TRAPPC3L: variants seen among roughly 807,000 people sequenced by gnomAD.
TRAPPC3L encodes the protein trafficking protein particle complex subunit 3L, also known as trafficking protein particle complex subunit 3-like protein.
Under a neutral mutation model 23.7 loss-of-function variants are expected in TRAPPC3L, and 23 were observed. The observed-to-expected ratio is 0.97, with a 90% CI of 0.70 to 1.37. The LOEUF (loss-of-function observed/expected upper bound fraction) is 1.37, where lower values mean the gene tolerates loss of function less well. Among genes scored for constraint, TRAPPC3L ranks in the 40% most tolerant of loss-of-function variants. The pLI is 0.00. For missense variants in TRAPPC3L, 212 were observed against 216.8 expected (o/e 0.98, Z 0.14); for synonymous variants, 81 against 77.9 (o/e 1.04, Z -0.21).
chr6:116,534,060 G>A (rs1407739232), intron 3 of TRAPPC3L, among the ~76,000 whole-genome samples: 1 of 151,956 alleles, frequency 6.6e-6, no homozygotes, highest in African/African-American at 2.4e-5. Flanking sequence ...TGTCTAAAAA[G>A]GATTCCTCCT....
At chr6:116,515,570 G>A (rs762059330) in intron 3 of TRAPPC3L, 8 of 1,575,926 alleles carry the variant, frequency 5.1e-6, no homozygotes, top group Middle Eastern at 3.4e-4. Context: ...TTGCTTTCAC[G>A]TGTGTACTCA....
chr6:116,525,478 A>C (rs1478847666), intron 3 of TRAPPC3L, among the ~76,000 whole-genome samples: 1 of 152,222 alleles, frequency 6.6e-6, no homozygotes, highest in Non-Finnish European at 1.5e-5. Context: ...AATTTTTAGC[A>C]GTGGAAAGTT....
intron 4 of TRAPPC3L, 35 bp downstream of exon 4, chr6:116,500,446 G>T (rs1341071973): frequency 6.6e-7 from 1 of 1,511,726 alleles, no homozygotes; most frequent in African/African-American, 1.4e-5. Context: ...AGGACTAAGA[G>T]ATTCTTCATT....
intron 3 of TRAPPC3L, among the ~76,000 whole-genome samples, chr6:116,538,717 G>A (rs1773245427): frequency 6.6e-6 from 1 of 151,078 alleles, no homozygotes; most frequent in African/African-American, 2.4e-5. Flanking sequence ...GCAAGACAAA[G>A]TCTTAAATCT....
At chr6:116,519,595 T>A (rs1772293224) in intron 3 of TRAPPC3L, 1 of 152,232 alleles carries the variant, frequency 6.6e-6, no homozygotes, top group Non-Finnish European at 1.5e-5. Context: ...TATGGAAGGG[T>A]CCTTGGGCTA....
intron 3 of TRAPPC3L, among the ~76,000 whole-genome samples, chr6:116,531,958 A>G (rs1227174598): frequency 6.6e-6 from 1 of 151,818 alleles, no homozygotes; most frequent in Non-Finnish European, 1.5e-5. Context: ...TACCAAGTTG[A>G]GTTCGCTGTC....
chr6:116,500,621 T>C lies in TRAPPC3L; in HGVS notation c.286A>G (p.Asn96Asp). Reference sequence around the variant, plus strand: ...GAAAATTCATTTTTGCTTGAATTGTTACAGGTCACACTTGGTGTAATTCCC... The same window carrying C: ...GAAAATTCATTTTTGCTTGAATTGTCACAGGTCACACTTGGTGTAATTCCC... Reference protein sequence around the residue: ...YLGITPSVTCNNSSKNEFSLI... With the variant: ...YLGITPSVTCDNSSKNEFSLI... The change falls in exon 4 of 5, where the codon AAC becomes GAC. Residue 96 changes from asparagine (N) to aspartate (D), a missense_variant. Physicochemically the swap from Asn to Asp is conservative, Grantham distance 23. Transcript: ENST00000368602. 1 of 1,551,648 alleles carries C rather than the reference T, an allele frequency of 6.4e-7. No individual in the cohort carries two copies. The highest frequency in any genetic ancestry group is 2.4e-5 in the East Asian group (1 of 40,912).
intron 3 of TRAPPC3L, chr6:116,522,159 G>A (rs1376630677): frequency 6.6e-6 from 1 of 152,258 alleles, no homozygotes; most frequent in East Asian, 1.9e-4. Context: ...GAAGAACCAG[G>A]AAGTCCAACC....
chr6:116,506,652 G>T (rs1365645661), intron 3 of TRAPPC3L, among the ~76,000 whole-genome samples: 1 of 152,090 alleles, frequency 6.6e-6, no homozygotes, highest in Non-Finnish European at 1.5e-5. Context: ...AAGAAAATGT[G>T]GCACATATAC....
At chr6:116,501,558 T>C (rs1296555940) in intron 3 of TRAPPC3L, among the ~76,000 whole-genome samples, 4 of 152,200 alleles carry the variant, frequency 2.6e-5, no homozygotes, top group Non-Finnish European at 5.9e-5. Flanking sequence ...GACAGACTGC[T>C]TCCTCAAGTG....
chr6:116,541,850 T>C (rs1562354944), intron 2 of TRAPPC3L, among the ~76,000 whole-genome samples: 1 of 152,208 alleles, frequency 6.6e-6, no homozygotes, highest in South Asian at 2.1e-4. Context: ...TCAAAGGGTA[T>C]GTTTCTGCAA....
chr6:116,529,173 C>A (rs748664351), intron 3 of TRAPPC3L: 6 of 152,178 alleles, frequency 3.9e-5, no homozygotes, highest in Non-Finnish European at 2.9e-5. Flanking sequence ...TTGCTGCAAC[C>A]CTTCAGCTCT....
intron 3 of TRAPPC3L, among the ~76,000 whole-genome samples, chr6:116,526,621 C>G (rs185371534): frequency 8.1e-4 from 123 of 152,198 alleles, no homozygotes; most frequent in Middle Eastern, 3.4e-3. Flanking sequence ...ACTGAGAGGT[C>G]ACGGCAAGTC....
intron 3 of TRAPPC3L, among the ~76,000 whole-genome samples, chr6:116,538,231 G>GA (rs1259829819): frequency 2.6e-5 from 4 of 152,142 alleles, no homozygotes; most frequent in African/African-American, 4.8e-5. Flanking sequence ...TAGACAGTAA[G>GA]AAAAAACTGG....
At chr6:116,501,215 T>A (rs1583264495) in intron 3 of TRAPPC3L, among the ~76,000 whole-genome samples, 1 of 152,154 alleles carries the variant, frequency 6.6e-6, no homozygotes, top group Non-Finnish European at 1.5e-5. Flanking sequence ...GCTCAGCAGG[T>A]CCCACGCCCA....
At chr6:116,499,400 T>G (rs1439254968) in intron 4 of TRAPPC3L, among the ~76,000 whole-genome samples, 1 of 152,234 alleles carries the variant, frequency 6.6e-6, no homozygotes, top group East Asian at 1.9e-4. Flanking sequence ...ATTTGGTTGA[T>G]AAAGAAATGA....
chr6:116,541,614 C>T (rs1219219197), intron 2 of TRAPPC3L, among the ~76,000 whole-genome samples: 1 of 152,206 alleles, frequency 6.6e-6, no homozygotes, highest in African/African-American at 2.4e-5. Flanking sequence ...AGTTTAGCTT[C>T]CTTGACTTTG....
intron 4 of TRAPPC3L, 25 bp downstream of exon 4, chr6:116,500,456 T>C (rs374417456): frequency 3.0e-4 from 459 of 1,530,004 alleles, no homozygotes; most frequent in Middle Eastern, 1.4e-3. Context: ...GATTCTTCAT[T>C]CATTCTTCAC....
chr6:116,534,922 C>A (rs896901267), intron 3 of TRAPPC3L, among the ~76,000 whole-genome samples: 3 of 152,138 alleles, frequency 2.0e-5, no homozygotes, highest in Non-Finnish European at 4.4e-5. Context: ...TCCCTTCTTA[C>A]TGTGACAACA....
Sources: gnomAD v4.1 joint callset for allele counts (sites outside exome capture counted in the v4.1 genomes callset) on GRCh38, gnomAD v4.1.1 for gene constraint, MANE v1.5 for transcripts, NCBI Gene and HGNC (gene_info 2026-07-23, HGNC 2026-07-21) for gene names.